Variants in KCNMB2 observed in about 807,000 individuals in gnomAD.
The protein encoded by KCNMB2 is calcium-activated potassium channel subunit beta-2.
A neutral mutation model predicts 24.5 loss-of-function variants in KCNMB2; 9 were observed. The ratio of observed to expected loss-of-function variants is 0.37; its 90% CI spans 0.22 to 0.64. The LOEUF (loss-of-function observed/expected upper bound fraction) is 0.64, where lower values mean the gene tolerates loss of function less well. Among genes scored for constraint, KCNMB2 ranks in the 30% least tolerant of loss-of-function variants. The pLI, the probability that KCNMB2 is intolerant of heterozygous loss-of-function variation, is 0.63. For missense variants in KCNMB2, 226 were observed against 284.3 expected, an observed-to-expected ratio of 0.79 and a Z score of 1.47; for synonymous variants, 109 against 104.4, an observed-to-expected ratio of 1.04 and a Z score of -0.27.
intron 1 of KCNMB2, among the ~76,000 whole-genome samples, chr3:178,772,923 T>C (rs1212423634): frequency 1.3e-5 from 2 of 152,234 alleles, no homozygotes; most frequent in African/African-American, 2.4e-5. Context: ...GTGGTTTCTT[T>C]GGAACTCAAA....
chr3:178,828,492 G>A (rs1216946197), intron 4 of KCNMB2, 119 bp downstream of exon 4: 1 of 665,032 alleles, frequency 1.5e-6, no homozygotes, highest in African/African-American at 1.8e-5. Flanking sequence ...AGCAGAGCCT[G>A]CCTCTTCCAT....
At chr3:178,549,569 C>T (rs758735658) in intron 1 of KCNMB2, among the ~76,000 whole-genome samples, 6 of 149,422 alleles carry the variant, frequency 4.0e-5, no homozygotes, top group Non-Finnish European at 8.9e-5. Flanking sequence ...TCAGGTGATC[C>T]GCCTGCCTCA....
chr3:178,797,236 C>T (rs190192448), intron 1 of KCNMB2, among the ~76,000 whole-genome samples: 1 of 152,052 alleles, frequency 6.6e-6, no homozygotes, highest in African/African-American at 2.4e-5. Flanking sequence ...AGATCAAAGC[C>T]ATAATAAAAA....
intron 3 of KCNMB2, among the ~76,000 whole-genome samples, chr3:178,826,608 A>G (rs1321551301): frequency 6.6e-6 from 1 of 152,200 alleles, no homozygotes; most frequent in East Asian, 1.9e-4. Flanking sequence ...CCCAGCCCTG[A>G]TGTATCGAAT....
At chr3:178,796,434 C>T (rs1713543256) in intron 1 of KCNMB2, among the ~76,000 whole-genome samples, 1 of 152,124 alleles carries the variant, frequency 6.6e-6, no homozygotes, top group African/African-American at 2.4e-5. Flanking sequence ...ACATTTCATC[C>T]AATGGCAGCA....
intron 4 of KCNMB2, among the ~76,000 whole-genome samples, chr3:178,839,710 C>T (rs1007106123): frequency 3.3e-5 from 5 of 152,084 alleles, no homozygotes; most frequent in African/African-American, 1.2e-4. Context: ...ACTTTTAAAC[C>T]ATCACATCTC....
intron 1 of KCNMB2, among the ~76,000 whole-genome samples, chr3:178,579,797 T>C (rs920898127): frequency 6.6e-6 from 1 of 152,130 alleles, no homozygotes; most frequent in East Asian, 1.9e-4. Flanking sequence ...CCTGGACACA[T>C]ATACCCTCCC....
intron 1 of KCNMB2, among the ~76,000 whole-genome samples, chr3:178,717,723 G>A (rs1226188979): frequency 6.6e-6 from 1 of 152,128 alleles, no homozygotes; most frequent in Non-Finnish European, 1.5e-5. Context: ...CATTTATTGA[G>A]TACCTGCTGT....
At chr3:178,763,907 G>A (rs1237026574) in intron 1 of KCNMB2, among the ~76,000 whole-genome samples, 2 of 152,050 alleles carry the variant, frequency 1.3e-5, no homozygotes, top group African/African-American at 2.4e-5. Context: ...AACATTCACA[G>A]GATTTTTGTC....
At chr3:178,703,253 C>G (rs1411400257) in intron 1 of KCNMB2, among the ~76,000 whole-genome samples, 1 of 152,110 alleles carries the variant, frequency 6.6e-6, no homozygotes, top group Non-Finnish European at 1.5e-5. Context: ...TACTCATAGA[C>G]TCATTTTGCA....
chr3:178,657,695 G>C (rs775754460), intron 1 of KCNMB2, among the ~76,000 whole-genome samples: 35 of 152,200 alleles, frequency 2.3e-4, no homozygotes, highest in Middle Eastern at 3.2e-3. Context: ...ATAATGAAAA[G>C]AAGTTTATTT....
chr3:178,589,357 C>T (rs565022456), intron 1 of KCNMB2, among the ~76,000 whole-genome samples: 1 of 152,304 alleles, frequency 6.6e-6, no homozygotes, highest in Admixed American at 6.5e-5. Context: ...TGAGATCTGT[C>T]TCCACACCCC....
intron 1 of KCNMB2, among the ~76,000 whole-genome samples, chr3:178,657,321 G>A (rs994498900): frequency 6.6e-6 from 1 of 152,174 alleles, no homozygotes; most frequent in African/African-American, 2.4e-5. Context: ...TTTCATTGCT[G>A]ATTCTTAGTC....
intron 1 of KCNMB2, among the ~76,000 whole-genome samples, chr3:178,731,012 C>A (rs1184937827): frequency 6.6e-6 from 1 of 151,802 alleles, no homozygotes; most frequent in Non-Finnish European, 1.5e-5. Flanking sequence ...ACAAAACAAA[C>A]AAGTATTCCT....
At chr3:178,759,348 TATATATATATATATCTCCAAGAGG>T (rs1311003235) in intron 1 of KCNMB2, among the ~76,000 whole-genome samples, 2 of 73,060 alleles carry the variant, frequency 2.7e-5, no homozygotes, top group Non-Finnish European at 4.9e-5. Flanking sequence ...CAAGAGGATA[TATATATATATATATCTCCAAGAGG>T]ATATATATAT....
At chr3:178,626,487 A>G (rs1214058342) in intron 1 of KCNMB2, among the ~76,000 whole-genome samples, 1 of 152,232 alleles carries the variant, frequency 6.6e-6, no homozygotes, top group Non-Finnish European at 1.5e-5. Context: ...AAGAAAGAAG[A>G]TTTAATTGAC....
chr3:178,590,673 A>C (rs982798901), intron 1 of KCNMB2, among the ~76,000 whole-genome samples: 1 of 152,180 alleles, frequency 6.6e-6, no homozygotes, highest in Non-Finnish European at 1.5e-5. Flanking sequence ...CTGTGGTTGA[A>C]ATTAATGCAC....
chr3:178,666,658 T>G (rs1450198910), intron 1 of KCNMB2, among the ~76,000 whole-genome samples: 1 of 152,186 alleles, frequency 6.6e-6, no homozygotes, highest in African/African-American at 2.4e-5. Context: ...GTCTGTCATT[T>G]AATTCCAAAA....
intron 1 of KCNMB2, among the ~76,000 whole-genome samples, chr3:178,701,389 C>A (rs9799237): frequency 6.6e-6 from 1 of 151,924 alleles, no homozygotes; most frequent in Non-Finnish European, 1.5e-5. Context: ...GTCAGGTAGC[C>A]TGATGCCTCC....
Sources: allele counts gnomAD v4.1 joint callset (sites outside exome capture counted in the v4.1 genomes callset), GRCh38; gene constraint gnomAD v4.1.1; transcripts MANE v1.5; gene names NCBI Gene and HGNC (gene_info 2026-07-23, HGNC 2026-07-21).